Variants in EXOC4 observed in about 807,000 individuals in gnomAD.
EXOC4 encodes the protein SEC8-like 1.
In EXOC4, 71 loss-of-function variants were observed where a neutral mutation model predicts 107.2. The observed-to-expected ratio is 0.66, with a 90% confidence interval of 0.55 to 0.81. The LOEUF is 0.81. EXOC4 is among the 30% of genes least tolerant of loss of function. The pLI is 0.00. For synonymous variants in EXOC4, 456 were observed against 441.2 expected (o/e 1.03, Z -0.42); for missense variants, 1,108 against 1,189.6 (o/e 0.93, Z 1.01).
intron 9 of EXOC4, among the ~76,000 whole-genome samples, chr7:133,526,422 A>G (rs530432483): frequency 1.3e-5 from 2 of 152,346 alleles, no homozygotes; most frequent in African/African-American, 4.8e-5. Flanking sequence ...GAAAGATCAA[A>G]TTGGCTTGCA....
chr7:133,300,054 G>A (rs1794609167), intron 3 of EXOC4, among the ~76,000 whole-genome samples: 1 of 152,076 alleles, frequency 6.6e-6, no homozygotes, highest in African/African-American at 2.4e-5. Flanking sequence ...TTTTTTTAAT[G>A]GTGAGAGTAC....
At chr7:133,832,144 G>C (rs1453044489) in intron 11 of EXOC4, among the ~76,000 whole-genome samples, 1 of 152,104 alleles carries the variant, frequency 6.6e-6, no homozygotes, top group Non-Finnish European at 1.5e-5. Context: ...TGCTTTTATA[G>C]TTTATTTTGC....
At chr7:133,729,749 A>G (rs1272211975) in intron 10 of EXOC4, among the ~76,000 whole-genome samples, 3 of 151,954 alleles carry the variant, frequency 2.0e-5, no homozygotes, top group African/African-American at 7.2e-5. Flanking sequence ...CCTTATTTTG[A>G]TGGTAACTTT....
At chr7:134,042,659 GC>G (rs1366906878) in intron 17 of EXOC4, among the ~76,000 whole-genome samples, 2 of 152,218 alleles carry the variant, frequency 1.3e-5, no homozygotes, top group Non-Finnish European at 2.9e-5. Context: ...TTAAGTCAGA[GC>G]CCTGCTGCTG....
chr7:133,253,340 C>A, intron 1 of EXOC4, 153 bp downstream of exon 1: 1 of 1,406,116 alleles, frequency 7.1e-7, no homozygotes, highest in Non-Finnish European at 9.3e-7. Flanking sequence ...CTCCCCAGGG[C>A]CCCAGCAATT....
intron 9 of EXOC4, among the ~76,000 whole-genome samples, chr7:133,607,828 A>T (rs879481500): frequency 6.6e-6 from 1 of 152,254 alleles, no homozygotes; most frequent in Admixed American, 6.5e-5. Context: ...GGACCATTGC[A>T]TAAAACTACA....
intron 10 of EXOC4, among the ~76,000 whole-genome samples, chr7:133,736,193 G>C (rs937461806): frequency 1.3e-5 from 2 of 152,096 alleles, no homozygotes; most frequent in Non-Finnish European, 2.9e-5. Context: ...CCCCTTACCT[G>C]AGATCCTCTC....
At chr7:133,775,578 A>G (rs1796328758) in intron 10 of EXOC4, among the ~76,000 whole-genome samples, 1 of 152,218 alleles carries the variant, frequency 6.6e-6, no homozygotes, top group Admixed American at 6.6e-5. Context: ...CTATAACTAT[A>G]CTAAGGCTAT....
At chr7:133,661,268 C>T (rs1803433961) in intron 10 of EXOC4, among the ~76,000 whole-genome samples, 1 of 152,108 alleles carries the variant, frequency 6.6e-6, no homozygotes, top group Admixed American at 6.6e-5. Flanking sequence ...GCTTAAAGAA[C>T]TGCCTTCTGG....
chr7:133,261,498 C>G (rs1043510669), intron 1 of EXOC4, among the ~76,000 whole-genome samples: 5 of 152,056 alleles, frequency 3.3e-5, no homozygotes, highest in African/African-American at 1.2e-4. Context: ...TGGCCTCAAG[C>G]AATCCGCAGG....
chr7:133,331,246 T>C (rs1016260959), intron 5 of EXOC4, among the ~76,000 whole-genome samples: 1 of 152,040 alleles, frequency 6.6e-6, no homozygotes, highest in African/African-American at 2.4e-5. Context: ...TAATTTGCAA[T>C]TCACAGACAA....
chr7:133,877,224 A>G (rs1798868991), intron 11 of EXOC4, among the ~76,000 whole-genome samples: 1 of 151,922 alleles, frequency 6.6e-6, no homozygotes, highest in Non-Finnish European at 1.5e-5. Flanking sequence ...TAGCTGTTTT[A>G]ACCTCCTTGT....
intron 14 of EXOC4, among the ~76,000 whole-genome samples, chr7:133,943,558 G>A (rs926237919): frequency 6.6e-6 from 1 of 152,070 alleles, no homozygotes; most frequent in Non-Finnish European, 1.5e-5. Flanking sequence ...CGTATCTCAC[G>A]GGGCTTTTTA....
intron 9 of EXOC4, among the ~76,000 whole-genome samples, chr7:133,522,826 C>T (rs961373962): frequency 1.3e-5 from 2 of 152,086 alleles, no homozygotes; most frequent in Admixed American, 6.5e-5. Context: ...TGCTTTCATT[C>T]TGTGGGTGAC....
chr7:134,069,286 C>T (rs1352845688), downstream of EXOC4, among the ~76,000 whole-genome samples: 1 of 77,954 alleles, frequency 1.3e-5, no homozygotes, highest in Non-Finnish European at 2.3e-5. Flanking sequence ...TCCTCCTTCT[C>T]CCCCTCATTC....
intron 10 of EXOC4, among the ~76,000 whole-genome samples, chr7:133,632,581 TTTA>T (rs1281248589): frequency 6.6e-6 from 1 of 152,184 alleles, no homozygotes. Flanking sequence ...GAGTGTTGGA[TTTA>T]TTATTTCTTC....
At chr7:133,841,360 C>A (rs1024513970) in intron 11 of EXOC4, among the ~76,000 whole-genome samples, 5 of 152,150 alleles carry the variant, frequency 3.3e-5, no homozygotes, top group African/African-American at 1.2e-4. Flanking sequence ...GGGTGGTAAG[C>A]ATTAGAATCA....
chr7:133,982,444 C>T (rs368498401), intron 14 of EXOC4, among the ~76,000 whole-genome samples: 3 of 151,984 alleles, frequency 2.0e-5, no homozygotes, highest in African/African-American at 7.3e-5. Context: ...CCCAGCTACT[C>T]GGGAGGCTGA....
chr7:134,050,447 AC>A (rs751489844), intron 17 of EXOC4, among the ~76,000 whole-genome samples: 5 of 151,990 alleles, frequency 3.3e-5, no homozygotes, highest in African/African-American at 7.3e-5. Flanking sequence ...TACCCTAGTA[AC>A]CTTTTTTATT....
Sources: allele counts gnomAD v4.1 joint callset (sites outside exome capture counted in the v4.1 genomes callset), GRCh38; gene constraint gnomAD v4.1.1; transcripts MANE v1.5; gene names NCBI Gene and HGNC (gene_info 2026-07-23, HGNC 2026-07-21).